Variants in MALT1 observed in about 807,000 individuals in gnomAD.
The protein encoded by MALT1 is mucosa-associated lymphoid tissue lymphoma translocation protein 1.
A neutral mutation model predicts 85.5 loss-of-function variants in MALT1; 36 were observed. The observed-to-expected ratio is 0.42, with a 90% CI of 0.32 to 0.56. The LOEUF is 0.56. Ranked by LOEUF, MALT1 falls within the 20% of genes least tolerant of loss-of-function variation. MALT1 has a pLI of 0.10. For missense variants in MALT1, 716 were observed against 981.6 expected, an observed-to-expected ratio of 0.73 and a Z score of 3.62; for synonymous variants, 359 against 361.3, an observed-to-expected ratio of 0.99 and a Z score of 0.07.
intron 1 of MALT1, chr18:58,672,643 AGAAT>A (rs1179273002): frequency 6.6e-6 from 1 of 152,274 alleles, no homozygotes; most frequent in African/African-American, 2.4e-5. Flanking sequence ...TTATTTAAAA[AGAAT>A]AACCCATTAT....
At chr18:58,695,144 A>G (rs1377840842) in intron 2 of MALT1, among the ~76,000 whole-genome samples, 1 of 152,178 alleles carries the variant, frequency 6.6e-6, no homozygotes, top group Non-Finnish European at 1.5e-5. Context: ...ACCTTCCACC[A>G]TGATTGTGAG....
intron 7 of MALT1, 92 bp from the exon 8 acceptor site, chr18:58,713,991 T>C: frequency 1.5e-6 from 1 of 656,258 alleles, no homozygotes; most frequent in Non-Finnish European, 2.7e-6. Flanking sequence ...TATAACATGA[T>C]TCACTGGCTC....
intron 8 of MALT1, among the ~76,000 whole-genome samples, chr18:58,714,607 G>A (rs2054875086): frequency 6.6e-6 from 1 of 152,112 alleles, no homozygotes; most frequent in African/African-American, 2.4e-5. Flanking sequence ...AGGTCGGTTG[G>A]TCAGTGACCA....
Position 58,749,862 on chromosome 18 carries a change from T to C in MALT1, c.*2020T>C, listed in dbSNP as rs2055423323. On this transcript the variant is annotated 3_prime_UTR_variant, in exon 17 of 17. Transcript: ENST00000649217. ...CACCTAACATTATACTTCATGGTGATAGACTGAAGGCTGAATGTTTTCCCC... is the reference window on the plus strand; with the variant it reads ...CACCTAACATTATACTTCATGGTGACAGACTGAAGGCTGAATGTTTTCCCC... The C allele has an allele frequency of 1.4e-5, 3 of 210,290 alleles. No individual in the cohort carries two copies. The highest frequency in any genetic ancestry group is 2.9e-5 in the Non-Finnish European group (3 of 103,538). 13.0% of individuals were successfully genotyped at this position (210,290 alleles called of 1,614,324 possible). A position where few individuals can be genotyped will look rare whatever the true frequency, so the allele number is the denominator to read the frequency against.
intron 3 of MALT1, among the ~76,000 whole-genome samples, chr18:58,698,840 G>A (rs2054631682): frequency 6.6e-6 from 1 of 152,196 alleles, no homozygotes; most frequent in Non-Finnish European, 1.5e-5. Context: ...AGATAGCAAA[G>A]TTTGTGGTAA....
intron 4 of MALT1, among the ~76,000 whole-genome samples, chr18:58,702,497 G>T (rs1602302698): frequency 2.0e-5 from 3 of 152,204 alleles, no homozygotes; most frequent in African/African-American, 4.8e-5. Context: ...TAGATCAGTA[G>T]ATAAGCACAT....
At chr18:58,701,417 C>T (rs1253525866) in intron 4 of MALT1, among the ~76,000 whole-genome samples, 3 of 152,230 alleles carry the variant, frequency 2.0e-5, no homozygotes, top group African/African-American at 4.8e-5. Context: ...CCTCAGCTCC[C>T]TCTGCTGCCT....
chr18:58,691,829 C>T (rs1244571050), intron 2 of MALT1, among the ~76,000 whole-genome samples: 8 of 151,410 alleles, frequency 5.3e-5, no homozygotes, highest in Non-Finnish European at 7.4e-5. Context: ...GCCGAGATTG[C>T]GCCACTGCAC....
rs2055394948 is a variant in MALT1 at position 58,748,011 on chromosome 18, A to C, written c.*169A>C. 3.4e-6 allele frequency: 2 copies of C among 594,596 alleles called. No homozygotes were observed. Among genetic ancestry groups the C allele is most frequent in the African/African-American group, 3.7e-5 (2 of 53,762 alleles). The allele number at this position is 594,596 out of a possible 1,614,324, so 36.8% of individuals were successfully genotyped here. ...TTGAGATGTTGAAATTACATTATTT[A>C]ATTACAGACTTCCTCTTTCTAAGAT... On this transcript the variant is annotated 3_prime_UTR_variant, in exon 17 of 17. Coordinates refer to ENST00000649217, the MANE Select transcript of MALT1 (RefSeq NM_006785.4).
intron 2 of MALT1, among the ~76,000 whole-genome samples, chr18:58,687,504 G>C (rs900489361): frequency 6.6e-6 from 1 of 151,958 alleles, no homozygotes; most frequent in Non-Finnish European, 1.5e-5. Flanking sequence ...TAGAGGAAGA[G>C]GAATGATATT....
At chr18:58,703,026 T>C (rs754752036) in intron 4 of MALT1, among the ~76,000 whole-genome samples, 25 of 152,212 alleles carry the variant, frequency 1.6e-4, no homozygotes, top group Non-Finnish European at 3.2e-4. Context: ...TCTCTCACTT[T>C]AGTCTTCCGT....
intron 4 of MALT1, among the ~76,000 whole-genome samples, chr18:58,704,901 T>G (rs983332386): frequency 1.3e-5 from 2 of 152,198 alleles, no homozygotes; most frequent in East Asian, 3.8e-4. Flanking sequence ...TTCAAGGTGT[T>G]TAGTCCATTT....
At chr18:58,709,945 G>C (rs1169008409) in intron 5 of MALT1, 31 bp from the exon 6 acceptor site, 1 of 1,325,446 alleles carries the variant, frequency 7.5e-7, no homozygotes, top group Non-Finnish European at 1.1e-6. Context: ...AATAGAAGAG[G>C]AAGCATTTAC....
intron 13 of MALT1, among the ~76,000 whole-genome samples, chr18:58,739,748 A>G (rs571925590): frequency 7.9e-4 from 120 of 152,188 alleles, no homozygotes; most frequent in African/African-American, 2.7e-3. Flanking sequence ...CACCGCCACA[A>G]TTCATAAACC....
chr18:58,732,942 G>C (rs1251872785), intron 10 of MALT1, among the ~76,000 whole-genome samples: 1 of 150,718 alleles, frequency 6.6e-6, no homozygotes, highest in Non-Finnish European at 1.5e-5. Flanking sequence ...ACAGAGTTTT[G>C]CTCTGTCGCC....
chr18:58,727,616 G>GTGTTTTTTTTTTTTTT (rs2055077198), intron 10 of MALT1, among the ~76,000 whole-genome samples: 2 of 121,270 alleles, frequency 1.6e-5, no homozygotes, highest in African/African-American at 6.5e-5. Flanking sequence ...GGTTTTTTGT[G>GTGTTTTTTTTTTTTTT]TTTTTTTTTT....
Position 58,745,805 on chromosome 18 carries a change from C to G in MALT1, c.2037+14C>G. The G allele has an allele frequency of 6.2e-7, 1 of 1,602,076 alleles. No individual in the cohort carries two copies. The highest frequency in any genetic ancestry group is 8.5e-7 in the Non-Finnish European group (1 of 1,175,094). ...CAAAAATTAAAGGTTACTACCTTTT[C>G]TGTTTATAGCTACTAATGGAAAACT... On this transcript the variant is annotated intron_variant, in intron 16 of 16. Transcript: ENST00000649217.
At chr18:58,706,726 GT>G (rs1240802065) in intron 4 of MALT1, among the ~76,000 whole-genome samples, 2 of 152,090 alleles carry the variant, frequency 1.3e-5, no homozygotes, top group African/African-American at 4.8e-5. Flanking sequence ...GGATATTTTC[GT>G]CGTGTATAGA....
rs1169015504 is a variant in MALT1, at chr18:58,681,150, A to G, written c.210-20A>G. On this transcript the variant is annotated intron_variant, in intron 1 of 16. Coordinates refer to ENST00000649217, the MANE Select transcript of MALT1 (RefSeq NM_006785.4). The stretch of plus-strand genomic sequence containing the variant: ...ATGTGGAAGAAAGCTGTTGACTTGA[A>G]TTCTTTCTGTTGCTTTCAGTTGCCT... The G allele has an allele frequency of 3.1e-6, 5 of 1,610,474 alleles. No homozygotes were observed. The highest frequency in any genetic ancestry group is 3.4e-6 in the Non-Finnish European group (4 of 1,178,292).
Sources: allele counts gnomAD v4.1 joint callset (sites outside exome capture counted in the v4.1 genomes callset), GRCh38; gene constraint gnomAD v4.1.1; transcripts MANE v1.5; gene names NCBI Gene and HGNC (gene_info 2026-07-23, HGNC 2026-07-21).